TDRKH: variants seen among roughly 807,000 people sequenced by gnomAD.
TDRKH encodes the protein tudor and KH domain-containing protein.
A neutral mutation model predicts 61.3 loss-of-function variants in TDRKH; 28 were observed. The observed-to-expected ratio is 0.46, with a 90% CI of 0.34 to 0.63. The LOEUF (loss-of-function observed/expected upper bound fraction) is 0.63, where lower values mean the gene tolerates loss of function less well. Ranked by LOEUF, TDRKH falls within the 20% of genes least tolerant of loss-of-function variation. The pLI is 0.01. For missense variants in TDRKH, 540 were observed against 683.4 expected, an observed-to-expected ratio of 0.79 and a Z score of 2.34; for synonymous variants, 219 against 244.4, an observed-to-expected ratio of 0.90 and a Z score of 0.97.
At chr1:151,787,952 C>T (rs765086241) in intron 1 of TDRKH, among the ~76,000 whole-genome samples, 8 of 151,686 alleles carry the variant, frequency 5.3e-5, no homozygotes, top group Non-Finnish European at 1.0e-4. Flanking sequence ...CACCACTGCA[C>T]TCCACCCTGG....
At chr1:151,781,328 A>AAAATAT (rs1491536697) in intron 3 of TDRKH, among the ~76,000 whole-genome samples, 153 bp downstream of exon 3, 4 of 68,598 alleles carry the variant, frequency 5.8e-5, no homozygotes, top group African/African-American at 1.5e-4. Flanking sequence ...AAAAAAAAAA[A>AAAATAT]ATATATATAT....
In TDRKH at chr1:151,774,439, T is replaced by C; in HGVS notation, c.*13A>G. The C allele has an allele frequency of 1.9e-6, 3 of 1,614,004 alleles. No homozygotes were observed. Among genetic ancestry groups the C allele is most frequent in the South Asian group, 2.2e-5 (2 of 91,058 alleles). On this transcript the variant is annotated 3_prime_UTR_variant, in exon 13 of 13. Transcript: ENST00000368824. ...CAGCAAAGCAGATGGCTGAGCAAAC[T>C]GAAGCCCAGACTTCAGAGTAAGTAG...
rs768687391 is a variant in TDRKH at position 151,775,156 on chromosome 1, A to G, written c.1445T>C (p.Ile482Thr). Residue 482 changes from isoleucine (I) to threonine (T), a missense_variant, in exon 11 of 13, where the codon ATT (isoleucine) becomes ACT (threonine). This residue lies in a region of TDRKH where 379 missense variants were observed against 443.8 expected (regional missense o/e 0.85). Coordinates refer to ENST00000368824, the MANE Select transcript of TDRKH (RefSeq NM_001083965.2). ...YDTSNGKKLD[I>T]GLELVHKGYA... ...TCCTTTGTGTACTAATTCTAGCCCA[A>G]TATCAAGTTTCTGAGAAGAAAAATG... 1.2e-6 allele frequency: 2 copies of G among 1,614,012 alleles called. No homozygotes were observed. Among genetic ancestry groups the G allele is most frequent in the East Asian group, 4.5e-5 (2 of 44,874 alleles).
Position 151,782,896 on chromosome 1 carries a change from T to C in TDRKH, c.124+3A>G. 6.2e-7 allele frequency: 1 copy of C among 1,603,666 alleles called. No individual in the cohort carries two copies. Among genetic ancestry groups the C allele is most frequent in the Non-Finnish European group, 8.5e-7 (1 of 1,176,030 alleles). ...CACACACACAGTCATAGGGTTCACG[T>C]ACCTCTGCTTTCCCTATACCTGCGG... On this transcript the variant is annotated splice_donor_region_variant and intron_variant, in intron 2 of 12. Transcript: ENST00000368824.
Position 151,782,959 on chromosome 1 carries a change from C to T in TDRKH, c.64G>A (p.Gly22Arg), listed in dbSNP as rs754349686. Residue 22 changes from glycine (G) to arginine (R), a missense_variant, in exon 2 of 13, where the codon GGG becomes AGG. Around this residue, in one of 3 missense-constraint regions of TDRKH, gnomAD observed 156 missense variants for 218.0 expected, o/e 0.72. Coordinates refer to ENST00000368824, the MANE Select transcript of TDRKH (RefSeq NM_001083965.2). ...STIQKIALGL[G>R]IPASATVAYI... ...GCAACTGTTGCACTGGCTGGGATCC[C>T]AAGGCCCAGGGCTATTTTCTGAATG... 6.2e-7 allele frequency: 1 copy of T among 1,613,684 alleles called. No homozygotes were observed. Among genetic ancestry groups the T allele is most frequent in the South Asian group, 1.1e-5 (1 of 90,948 alleles).
intron 1 of TDRKH, chr1:151,783,566 C>T (rs1433195758): frequency 2.0e-5 from 3 of 152,276 alleles, no homozygotes; most frequent in African/African-American, 7.2e-5. Context: ...GCTCCATCGC[C>T]AAAACTGTAA....
At chr1:151,776,944 T>C (rs540579911) in intron 6 of TDRKH, among the ~76,000 whole-genome samples, 1 of 152,348 alleles carries the variant, frequency 6.6e-6, no homozygotes, top group East Asian at 1.9e-4. Flanking sequence ...GTGACGGACA[T>C]GGACCTGTTC....
downstream of TDRKH, chr1:151,766,627 A>G (rs886487321): frequency 1.8e-4 from 260 of 1,434,956 alleles, 1 homozygote; most frequent in Non-Finnish European, 3.2e-5. Context: ...TCCATGTCAT[A>G]GTGCCCACTG....
At chr1:151,770,401 G>T, downstream of TDRKH, 3 of 1,245,460 alleles carry the variant, frequency 2.4e-6, no homozygotes, top group South Asian at 4.4e-5. Context: ...TACCACGAAG[G>T]TGGGAAGTTG....
intron 4 of TDRKH, 118 bp from the exon 5 acceptor site, chr1:151,779,360 C>G (rs1649525122): frequency 7.6e-7 from 1 of 1,320,488 alleles, no homozygotes; most frequent in African/African-American, 1.5e-5. Flanking sequence ...CTAAAGTGAA[C>G]AAAATACAAG....
chr1:151,776,374 G>C (rs1208600653), intron 7 of TDRKH, 65 bp downstream of exon 7: 2 of 1,601,598 alleles, frequency 1.2e-6, no homozygotes, highest in Non-Finnish European at 1.7e-6. Context: ...GGGAAAGGAA[G>C]AGTACAATGA....
Position 151,782,894 on chromosome 1 carries a change from C to T in TDRKH, c.124+5G>A, listed in dbSNP as rs977839586. 6 of 1,601,118 alleles carry T rather than the reference C, an allele frequency of 3.7e-6. No individual in the cohort carries two copies. Among genetic ancestry groups the T allele is most frequent in the Non-Finnish European group, 5.1e-6 (6 of 1,175,004 alleles). ...TTCACACACACAGTCATAGGGTTCA[C>T]GTACCTCTGCTTTCCCTATACCTGC... On this transcript the variant is annotated splice_donor_5th_base_variant and intron_variant, in intron 2 of 12. Coordinates refer to ENST00000368824, the MANE Select transcript of TDRKH (RefSeq NM_001083965.2).
At chr1:151,770,026 A>C (rs1424876474), downstream of TDRKH, 30 of 1,361,422 alleles carry the variant, frequency 2.2e-5, no homozygotes, top group East Asian at 6.9e-4. Flanking sequence ...GCAGCAGTAC[A>C]GTCCAGCTTC....
chr1:151,770,038 G>A (rs1016102918), downstream of TDRKH: 3 of 1,485,102 alleles, frequency 2.0e-6, no homozygotes, highest in East Asian at 7.3e-5. Flanking sequence ...TCCAGCTTCG[G>A]CTTTCACAAC....
downstream of TDRKH, chr1:151,767,535 A>T: frequency 1.3e-6 from 1 of 797,008 alleles, no homozygotes. Context: ...GGACAAAGGT[A>T]AAACAAACTC....
chr1:151,777,169 G>A (rs1649262510), intron 6 of TDRKH, among the ~76,000 whole-genome samples: 3 of 152,208 alleles, frequency 2.0e-5, no homozygotes, highest in African/African-American at 7.2e-5. Flanking sequence ...TCTAGGCTGG[G>A]CATGGTGGCT....
chr1:151,781,328 A>ATATATATATATATGTATATATATATAT (rs1553282748), intron 3 of TDRKH, among the ~76,000 whole-genome samples, 153 bp downstream of exon 3: 1 of 68,600 alleles, frequency 1.5e-5, no homozygotes, highest in Non-Finnish European at 3.4e-5. Flanking sequence ...AAAAAAAAAA[A>ATATATATATATATGTATATATATATAT]ATATATATAT....
chr1:151,771,572 G>A, downstream of TDRKH: 1 of 335,200 alleles, frequency 3.0e-6, no homozygotes, highest in Non-Finnish European at 5.3e-6. Context: ...GCTTTGTTAG[G>A]CTGTTTTTAT....
At chr1:151,789,853 C>T (rs1650735757) in intron 1 of TDRKH, among the ~76,000 whole-genome samples, 1 of 151,970 alleles carries the variant, frequency 6.6e-6, no homozygotes. Context: ...AAAGTGTCAA[C>T]CCCTTTCTCT....
Sources: allele counts gnomAD v4.1 joint callset (sites outside exome capture counted in the v4.1 genomes callset), GRCh38; gene constraint gnomAD v4.1.1; regional missense constraint gnomAD v4.1.1; transcripts MANE v1.5; gene names NCBI Gene and HGNC (gene_info 2026-07-23, HGNC 2026-07-21).